The following DAB1 variants were observed in gnomAD, a reference collection of about 807,000 sequenced individuals.
DAB1 encodes the protein disabled homolog 1.
DAB1 carries 15 observed loss-of-function variants against 64.6 expected under a neutral mutation model. The observed-to-expected ratio is 0.23, with a 90% CI of 0.16 to 0.36. DAB1 has a LOEUF of 0.36. Ranked by LOEUF, DAB1 falls within the 10% of genes least tolerant of loss-of-function variation. The pLI is 1.00. For missense variants in DAB1, 596 were observed against 706.7 expected (o/e 0.84, Z 1.78); for synonymous variants, 235 against 251.9 (o/e 0.93, Z 0.64).
At chr1:58,129,772 G>T (rs1202031861) in intron 5 of DAB1, among the ~76,000 whole-genome samples, 1 of 151,934 alleles carries the variant, frequency 6.6e-6, no homozygotes, top group Non-Finnish European at 1.5e-5. Context: ...GCGGCTTTGA[G>T]TGAGATTCTT....
intron 1 of DAB1, chr1:57,863,016 T>C (rs1012289264): frequency 1.3e-5 from 2 of 152,170 alleles, no homozygotes; most frequent in Non-Finnish European, 2.9e-5. Flanking sequence ...TGCTAAAAAC[T>C]AGAAACTTGT....
intron 6 of DAB1, among the ~76,000 whole-genome samples, chr1:57,700,225 T>C (rs1646891669): frequency 6.6e-6 from 1 of 152,216 alleles, no homozygotes; most frequent in Non-Finnish European, 1.5e-5. Flanking sequence ...GACTCCAGTT[T>C]AATTTCCCTC....
chr1:58,535,334 G>T (rs950531860), intron 1 of DAB1, among the ~76,000 whole-genome samples: 1 of 152,226 alleles, frequency 6.6e-6, no homozygotes, highest in South Asian at 2.1e-4. Flanking sequence ...TGGGCATGGT[G>T]GCTCATGCCT....
rs1447741565 is a variant in DAB1, at chr1:57,053,688, A to ATATTTTT, written c.723+9195_723+9196insAAAAATA. Reference sequence around the variant, plus strand: ...TATGTATATATATATATATATATATATTTTTTTTTTTTTTTTTGAGACGGA... The same window carrying ATATTTTT: ...TATGTATATATATATATATATATATATATTTTTTTTTTTTTTTTTTTTTTGAGACGGA... On this transcript the variant is annotated intron_variant, in intron 9 of 14. Transcript: ENST00000371236. 1.2e-3 allele frequency among the ~76,000 whole-genome samples: 83 copies of ATATTTTT among 71,406 alleles called. 1 individual carries two copies. Among genetic ancestry groups the ATATTTTT allele is most frequent in the South Asian group, 6.5e-3 (11 of 1,692 alleles). 46.8% of individuals were successfully genotyped at this position (71,406 alleles called of 152,430 possible). A position where few individuals can be genotyped will look rare whatever the true frequency, so the allele number is the denominator to read the frequency against.
chr1:57,132,445 G>A (rs1309459898), intron 4 of DAB1, among the ~76,000 whole-genome samples: 5 of 152,046 alleles, frequency 3.3e-5, no homozygotes, highest in Admixed American at 3.3e-4. Flanking sequence ...GGCTGCACAT[G>A]GCATAGAGTA....
intron 1 of DAB1, chr1:57,864,382 A>G (rs1319969584): frequency 1.3e-5 from 2 of 152,172 alleles, no homozygotes; most frequent in African/African-American, 4.8e-5. Context: ...GCTTAGAGCA[A>G]CTCCATAAGA....
At chr1:58,456,532 G>A (rs1258776603) in intron 3 of DAB1, among the ~76,000 whole-genome samples, 2 of 152,168 alleles carry the variant, frequency 1.3e-5, no homozygotes, top group Non-Finnish European at 2.9e-5. Context: ...AGGAGTGTGA[G>A]GACTAGGGAA....
At chr1:58,503,542 T>A (rs529222714) in intron 3 of DAB1, among the ~76,000 whole-genome samples, 2 of 152,226 alleles carry the variant, frequency 1.3e-5, no homozygotes, top group East Asian at 3.9e-4. Flanking sequence ...AAATTCCAAC[T>A]CCCAATGTGA....
chr1:57,736,557 T>C (rs1167607740), intron 6 of DAB1, among the ~76,000 whole-genome samples: 2 of 152,196 alleles, frequency 1.3e-5, no homozygotes, highest in African/African-American at 4.8e-5. Flanking sequence ...CCTTTGAGGA[T>C]CAGTTTTGTG....
At chr1:57,902,414 C>T (rs904998362) in intron 5 of DAB1, among the ~76,000 whole-genome samples, 1 of 151,468 alleles carries the variant, frequency 6.6e-6, no homozygotes, top group Non-Finnish European at 1.5e-5. Context: ...TCTGGGTAAC[C>T]ACAATACTAC....
At chr1:57,275,959 T>C (rs934167054) in intron 2 of DAB1, among the ~76,000 whole-genome samples, 3 of 152,098 alleles carry the variant, frequency 2.0e-5, no homozygotes, top group Non-Finnish European at 2.9e-5. Context: ...CCAATAAAAA[T>C]GGCAACAATG....
intron 2 of DAB1, among the ~76,000 whole-genome samples, chr1:58,524,370 C>G: frequency 6.6e-6 from 1 of 152,228 alleles, no homozygotes; most frequent in Admixed American, 6.5e-5. Context: ...CTAAAACTAT[C>G]AAACCATCCT....
chr1:58,452,801 C>G (rs1478747913), intron 3 of DAB1, among the ~76,000 whole-genome samples: 1 of 151,418 alleles, frequency 6.6e-6, no homozygotes, highest in East Asian at 1.9e-4. Flanking sequence ...GTACTCCAGC[C>G]TGGGCGACAG....
intron 2 of DAB1, among the ~76,000 whole-genome samples, chr1:57,238,641 G>A (rs1020877181): frequency 2.0e-5 from 3 of 152,104 alleles, no homozygotes; most frequent in African/African-American, 7.2e-5. Flanking sequence ...ATCCTAAGAG[G>A]AGCTTCAGAT....
At chr1:57,492,494 A>T (rs953423401) in intron 7 of DAB1, among the ~76,000 whole-genome samples, 1 of 152,234 alleles carries the variant, frequency 6.6e-6, no homozygotes, top group African/African-American at 2.4e-5. Context: ...AACTTCCTGT[A>T]TCTGAGCTGT....
At chr1:57,746,670 T>C (rs560034346) in intron 6 of DAB1, among the ~76,000 whole-genome samples, 16 of 152,340 alleles carry the variant, frequency 1.1e-4, no homozygotes, top group South Asian at 2.1e-4. Flanking sequence ...TATCCTTCCG[T>C]ATACTTTAAA....
chr1:57,813,023 TTA>T (rs553177722), intron 6 of DAB1, among the ~76,000 whole-genome samples: 37 of 152,312 alleles, frequency 2.4e-4, no homozygotes, highest in African/African-American at 8.2e-4. Flanking sequence ...TTATATGTGT[TTA>T]TGTGTGAATA....
intron 7 of DAB1, among the ~76,000 whole-genome samples, chr1:57,616,382 G>T (rs150543522): frequency 3.3e-5 from 5 of 149,896 alleles, no homozygotes. Context: ...TTATGTATTC[G>T]TTTCCTGCAT....
intron 4 of DAB1, among the ~76,000 whole-genome samples, chr1:58,319,645 G>C (rs567174425): frequency 1.3e-5 from 2 of 152,130 alleles, no homozygotes; most frequent in South Asian, 2.1e-4. Context: ...TTCAGTTGTT[G>C]GTAAGTGATT....
Sources: gnomAD v4.1 joint callset for allele counts (sites outside exome capture counted in the v4.1 genomes callset) on GRCh38, gnomAD v4.1.1 for gene constraint, MANE v1.5 for transcripts, NCBI Gene and HGNC (gene_info 2026-07-23, HGNC 2026-07-21) for gene names.